The following DUSP18 variants were observed in gnomAD, a reference collection of about 807,000 sequenced individuals.
DUSP18 encodes the protein dual specificity protein phosphatase 18.
Under a neutral mutation model 6.3 loss-of-function variants are expected in DUSP18, and 4 were observed. The ratio of observed to expected loss-of-function variants is 0.63; its 90% CI spans 0.31 to 1.45. The LOEUF is 1.45. Ranked by LOEUF, DUSP18 falls within the 40% of genes most tolerant of loss-of-function variation. The pLI is 0.07. For missense variants in DUSP18, 235 were observed against 247.7 expected (o/e 0.95, Z 0.34); for synonymous variants, 96 against 95.1 (o/e 1.01, Z -0.05).
intron 2 of DUSP18, among the ~76,000 whole-genome samples, chr22:30,652,958 T>A (rs535556048): frequency 2.0e-5 from 3 of 152,264 alleles, no homozygotes; most frequent in Non-Finnish European, 4.4e-5. Flanking sequence ...ACCATATCAG[T>A]GAATATCTAT....
At chr22:30,654,335 TC>T in intron 2 of DUSP18, 1 of 463,650 alleles carries the variant, frequency 2.2e-6, no homozygotes, top group Non-Finnish European at 4.3e-6. Context: ...TTCTCCTTCC[TC>T]TTCTCCTCCA....
chr22:30,656,021 G>A (rs1314840863), intron 2 of DUSP18, among the ~76,000 whole-genome samples: 4 of 151,814 alleles, frequency 2.6e-5, no homozygotes, highest in Non-Finnish European at 4.4e-5. Context: ...TGCTGAGGAC[G>A]CAGTGCAGTG....
At chr22:30,656,811 A>C (rs2088347006), downstream of DUSP18, among the ~76,000 whole-genome samples, 1 of 152,178 alleles carries the variant, frequency 6.6e-6, no homozygotes, top group African/African-American at 2.4e-5. Context: ...AATATTTAAA[A>C]AGAGAGTTAA....
chr22:30,654,652 A>T, intron 2 of DUSP18: 2 of 448,746 alleles, frequency 4.5e-6, no homozygotes, highest in Non-Finnish European at 8.8e-6. Context: ...CCACTTGTGG[A>T]GGAAGGCCAG....
intron 1 of DUSP18, chr22:30,665,699 A>G: frequency 2.9e-6 from 1 of 343,166 alleles, no homozygotes; most frequent in South Asian, 2.3e-5. Flanking sequence ...CTGTCTGATT[A>G]TTTGATTAAT....
Position 30,661,596 on chromosome 22 carries a change from C to T in DUSP18, c.*1841G>A, listed in dbSNP as rs1220160601. ...CCCAAGTAACTGGGATTACAGGCAC[C>T]CAGCTGTTAAAAGAAAAAGCATTTG... On this transcript the variant is annotated 3_prime_UTR_variant, in exon 2 of 2. Transcript: ENST00000334679. The T allele has an allele frequency of 3.6e-5, 1 of 27,586 alleles. No homozygotes were observed. Among genetic ancestry groups the T allele is most frequent in the African/African-American group, 2.4e-4 (1 of 4,240 alleles). 1.7% of individuals were successfully genotyped at this position (27,586 alleles called of 1,614,324 possible).
chr22:30,659,575 T>C (rs1569066374), downstream of DUSP18, among the ~76,000 whole-genome samples: 1 of 152,142 alleles, frequency 6.6e-6, no homozygotes, highest in African/African-American at 2.4e-5. Context: ...TTTCAACATG[T>C]TGGCCAGGGT....
Position 30,663,278 on chromosome 22 carries a change from AT to A in DUSP18, c.*158del. 1.4e-6 allele frequency: 1 copy of A among 739,334 alleles called. No individual in the cohort carries two copies. Among genetic ancestry groups the A allele is most frequent in the Non-Finnish European group, 2.1e-6 (1 of 467,470 alleles). 45.8% of individuals were successfully genotyped at this position (739,334 alleles called of 1,614,324 possible). On this transcript the variant is annotated 3_prime_UTR_variant, in exon 2 of 2. Coordinates refer to ENST00000334679, the MANE Select transcript of DUSP18 (RefSeq NM_152511.5). ...AGTTTAATCTTAAAAAAAATGGATT[AT>A]AAAGTTAAAAGCTACAGCAACTCTT...
At chr22:30,659,788 G>T (rs778609826), downstream of DUSP18, among the ~76,000 whole-genome samples, 2 of 152,196 alleles carry the variant, frequency 1.3e-5, no homozygotes, top group Non-Finnish European at 2.9e-5. Context: ...AGATGTAACT[G>T]ATTTTATTTT....
chr22:30,666,299 C>G (rs772265873), intron 1 of DUSP18, among the ~76,000 whole-genome samples: 1 of 152,048 alleles, frequency 6.6e-6, no homozygotes, highest in Non-Finnish European at 1.5e-5. Flanking sequence ...GGTAGTGATG[C>G]GAGGAGTCAT....
At chr22:30,656,581 G>T (rs5753263), downstream of DUSP18, among the ~76,000 whole-genome samples, 134,934 of 152,228 alleles carry the variant, frequency 0.89, 59,811 homozygotes, top group East Asian at 1. Flanking sequence ...AGCCAGGCTG[G>T]TAGGCTATGG....
chr22:30,654,211 CCT>C, intron 2 of DUSP18: 1 of 330,696 alleles, frequency 3.0e-6, no homozygotes, highest in Non-Finnish European at 5.9e-6. Context: ...GTCTCAATCT[CCT>C]GACCTCCTGA....
chr22:30,657,772 CG>C (rs2088371220), downstream of DUSP18, among the ~76,000 whole-genome samples: 1 of 151,292 alleles, frequency 6.6e-6, no homozygotes, highest in Non-Finnish European at 1.5e-5. Flanking sequence ...GGTGTGGTGG[CG>C]GGCACCTGTA....
intron 1 of DUSP18, among the ~76,000 whole-genome samples, chr22:30,664,473 T>C (rs2088581578): frequency 6.6e-6 from 1 of 152,212 alleles, no homozygotes; most frequent in Non-Finnish European, 1.5e-5. Flanking sequence ...AGAGCCCTTT[T>C]CTTGCTGCTC....
chr22:30,666,043 T>C (rs34524925), intron 1 of DUSP18, among the ~76,000 whole-genome samples: 19,335 of 152,152 alleles, frequency 0.13, 1,323 homozygotes, highest in Admixed American at 0.18. Context: ...TCAGGCTCAT[T>C]CCCGGAAGGA....
At position 30,667,639 on chromosome 22, in the gene DUSP18, T is replaced by G. The variant is rs1602116833; in HGVS notation, c.-255A>C. ...GCAGAAAGGAATAGCCTGTGCCGGG[T>G]CTTCAGAGAAATCCTGGCCTCGGCT... On this transcript the variant is annotated 5_prime_UTR_variant, in exon 1 of 2. Transcript: ENST00000334679. The G allele has an allele frequency of 6.6e-6, 1 of 152,632 alleles. No individual in the cohort carries two copies. 9.5% of individuals were successfully genotyped at this position (152,632 alleles called of 1,614,324 possible).
chr22:30,667,019 A>T (rs1252642583), intron 1 of DUSP18: 2 of 152,230 alleles, frequency 1.3e-5, no homozygotes, highest in Non-Finnish European at 2.9e-5. Flanking sequence ...AAATCACAAA[A>T]GATCTAAAGA....
chr22:30,656,476 TTTAA>T (rs2088339819), downstream of DUSP18, among the ~76,000 whole-genome samples: 2 of 152,146 alleles, frequency 1.3e-5, no homozygotes, highest in Admixed American at 6.5e-5. Context: ...TCAAACCAAA[TTTAA>T]TTGACTTTGG....
Position 30,663,827 on chromosome 22 carries a change from G to A in DUSP18, c.177C>T (p.Thr59=). ...GCATGTACTGGATATCCTCATACAA[G>A]GTGTTCACTACCTCCACTGAGACAT... ...VINVSVEVVN[T]LYEDIQYMQV... The change falls in exon 2 of 2, where the codon ACC becomes ACT. Residue 59 remains threonine (T), a synonymous_variant. Coordinates refer to ENST00000334679, the MANE Select transcript of DUSP18 (RefSeq NM_152511.5). 6.2e-7 allele frequency: 1 copy of A among 1,614,210 alleles called. No individual in the cohort carries two copies. Among genetic ancestry groups the A allele is most frequent in the Non-Finnish European group, 8.5e-7 (1 of 1,180,042 alleles).
Sources: gnomAD v4.1 joint callset for allele counts (sites outside exome capture counted in the v4.1 genomes callset) on GRCh38, gnomAD v4.1.1 for gene constraint, MANE v1.5 for transcripts, NCBI Gene and HGNC (gene_info 2026-07-23, HGNC 2026-07-21) for gene names.